MALRD1: variants seen among roughly 807,000 people sequenced by gnomAD.
MALRD1 encodes the protein MAM and LDL-receptor class A domain-containing protein 1.
In MALRD1, 247 loss-of-function variants were observed where a neutral mutation model predicts 242.1. That is an observed-to-expected ratio of 1.02 (90% CI 0.92 to 1.13). MALRD1 has a LOEUF of 1.13. Ranked by LOEUF, MALRD1 falls within the 50% of genes most tolerant of loss-of-function variation. MALRD1 has a pLI of 0.00. For missense variants in MALRD1, 2,989 were observed against 2,533.1 expected (o/e 1.18, Z -3.86); for synonymous variants, 995 against 866.6 (o/e 1.15, Z -2.60).
chr10:19,154,698 C>T (rs4607972), intron 11 of MALRD1, among the ~76,000 whole-genome samples: 51,573 of 151,982 alleles, frequency 0.34, 9,143 homozygotes, highest in Non-Finnish European at 0.39. Context: ...TCATATCCTT[C>T]GGTACTTTGT....
At chr10:19,388,028 A>T (rs778988238) in intron 27 of MALRD1, among the ~76,000 whole-genome samples, 6 of 152,110 alleles carry the variant, frequency 3.9e-5, no homozygotes, top group Non-Finnish European at 7.4e-5. Flanking sequence ...GGCAATGGTG[A>T]TTCCTTCTGA....
At chr10:19,240,234 C>A (rs1409469395) in intron 18 of MALRD1, among the ~76,000 whole-genome samples, 1 of 151,760 alleles carries the variant, frequency 6.6e-6, no homozygotes, top group East Asian at 1.9e-4. Context: ...CTGCAGATTT[C>A]TTGGTAGCTA....
intron 5 of MALRD1, among the ~76,000 whole-genome samples, chr10:19,105,352 T>A (rs986747617): frequency 6.6e-6 from 1 of 152,052 alleles, no homozygotes; most frequent in Non-Finnish European, 1.5e-5. Context: ...ATTCCTTTTA[T>A]AGTTAAATAA....
At chr10:19,410,481 A>T (rs946751141) in intron 28 of MALRD1, among the ~76,000 whole-genome samples, 3 of 152,300 alleles carry the variant, frequency 2.0e-5, no homozygotes, top group South Asian at 4.1e-4. Context: ...AAACCAAAAA[A>T]CTTGGATAGT....
chr10:19,323,278 A>G (rs1222702273), intron 21 of MALRD1, among the ~76,000 whole-genome samples: 2 of 151,926 alleles, frequency 1.3e-5, no homozygotes, highest in Admixed American at 6.6e-5. Flanking sequence ...CCTTCCTTTT[A>G]TGTTTCTTCT....
chr10:19,325,967 AT>A (rs1163987567), intron 22 of MALRD1, among the ~76,000 whole-genome samples: 1 of 152,052 alleles, frequency 6.6e-6, no homozygotes, highest in Non-Finnish European at 1.5e-5. Flanking sequence ...ATTGTTATTC[AT>A]TTTTCTAAAG....
intron 38 of MALRD1, among the ~76,000 whole-genome samples, chr10:19,694,777 G>A (rs980803982): frequency 5.9e-5 from 9 of 152,176 alleles, no homozygotes; most frequent in East Asian, 5.8e-4. Flanking sequence ...GCACATGTAC[G>A]TTTATTGCGG....
Position 19,540,067 on chromosome 10 carries a change from C to T in MALRD1, c.5478+8716C>T, listed in dbSNP as rs1039610481. Among the ~76,000 whole-genome samples, 4 of 152,060 alleles carry T rather than the reference C, an allele frequency of 2.6e-5. No homozygotes were observed. In the East Asian group the frequency reaches 7.8e-4, roughly 29 times the overall value. ...AACTTTTGAATGAGCTGCTCAAGGA[C>T]GAGGGCCACCAAGACTGTATCTTCT... On this transcript the variant is annotated intron_variant, in intron 32 of 39. Transcript: ENST00000454679.
intron 30 of MALRD1, among the ~76,000 whole-genome samples, chr10:19,493,963 A>G (rs1474532120): frequency 6.6e-6 from 1 of 152,222 alleles, no homozygotes; most frequent in African/African-American, 2.4e-5. Context: ...CACCCACGAC[A>G]CAGTAAAAAC....
chr10:19,264,104 T>C (rs898810428), intron 19 of MALRD1, among the ~76,000 whole-genome samples: 1 of 152,206 alleles, frequency 6.6e-6, no homozygotes, highest in Non-Finnish European at 1.5e-5. Flanking sequence ...AGGGAGCATT[T>C]CTTCTATTCC....
intron 36 of MALRD1, among the ~76,000 whole-genome samples, chr10:19,624,023 G>A (rs932269077): frequency 6.6e-6 from 1 of 152,088 alleles, no homozygotes; most frequent in Non-Finnish European, 1.5e-5. Context: ...AACATATTCT[G>A]ATAGGAAAGA....
chr10:19,544,707 G>A (rs576863877), intron 32 of MALRD1, among the ~76,000 whole-genome samples: 1 of 152,036 alleles, frequency 6.6e-6, no homozygotes, highest in African/African-American at 2.4e-5. Flanking sequence ...CTCTCTAACA[G>A]CTCTATGACT....
chr10:19,724,756 C>T (rs1028616886), intron 38 of MALRD1, among the ~76,000 whole-genome samples: 8 of 152,024 alleles, frequency 5.3e-5, no homozygotes, highest in Admixed American at 2.0e-4. Flanking sequence ...GGAAGTAAAA[C>T]GCATTCAAAT....
intron 18 of MALRD1, among the ~76,000 whole-genome samples, chr10:19,225,766 A>G (rs1837774618): frequency 6.6e-6 from 1 of 152,192 alleles, no homozygotes; most frequent in African/African-American, 2.4e-5. Flanking sequence ...TGCCTTAGGA[A>G]AAGACTTTAC....
chr10:19,508,865 A>C (rs1833268714), intron 31 of MALRD1, among the ~76,000 whole-genome samples: 1 of 152,190 alleles, frequency 6.6e-6, no homozygotes, highest in Non-Finnish European at 1.5e-5. Flanking sequence ...CAAGTGAATA[A>C]AACACTGGAA....
intron 14 of MALRD1, among the ~76,000 whole-genome samples, chr10:19,183,376 G>A (rs1835600333): frequency 1.3e-5 from 2 of 151,592 alleles, no homozygotes; most frequent in Admixed American, 1.3e-4. Context: ...GAACAAATGA[G>A]CATATCACTT....
chr10:19,547,803 TATATATATATATA>T (rs1475392627), intron 32 of MALRD1, among the ~76,000 whole-genome samples: 33 of 15,846 alleles, frequency 2.1e-3, no homozygotes, highest in African/African-American at 4.8e-3. Flanking sequence ...TATATATATA[TATATATATATATA>T]TATTTTTTTT....
intron 32 of MALRD1, among the ~76,000 whole-genome samples, chr10:19,547,551 A>G (rs537784713): frequency 2.6e-4 from 40 of 151,808 alleles, no homozygotes; most frequent in African/African-American, 8.9e-4. Flanking sequence ...GCTTCTCATA[A>G]TGAAATTCCC....
At position 19,595,455 on chromosome 10, in the gene MALRD1, G is replaced by A; in HGVS notation, c.5942G>A (p.Cys1981Tyr). The A allele has an allele frequency of 6.5e-7, 1 of 1,547,502 alleles. No homozygotes were observed. Among genetic ancestry groups the A allele is most frequent in the Non-Finnish European group, 8.7e-7 (1 of 1,144,632 alleles). ...CACTTTAATGAAGATGAGCTCATCT[G>A]CTGTGAGTTATTTTCACTAACTCAA... ...DCHFNEDELI[C>Y]SNKSCSNGAL... The change falls in exon 34 of 40, where the codon TGC (cysteine) becomes TAC (tyrosine). Residue 1981 changes from cysteine to tyrosine, a missense_variant and splice_region_variant. Transcript: ENST00000454679.
Sources: gnomAD v4.1 joint callset for allele counts (sites outside exome capture counted in the v4.1 genomes callset) on GRCh38, gnomAD v4.1.1 for gene constraint, MANE v1.5 for transcripts, NCBI Gene and HGNC (gene_info 2026-07-23, HGNC 2026-07-21) for gene names.